The following DCTN3 variants were observed in gnomAD, a reference collection of about 807,000 sequenced individuals.
The protein encoded by DCTN3 is dynactin subunit 3.
Under a neutral mutation model 28.4 loss-of-function variants are expected in DCTN3, and 25 were observed. The observed-to-expected ratio is 0.88, with a 90% CI of 0.64 to 1.23. The LOEUF (loss-of-function observed/expected upper bound fraction) is 1.23. Ranked by LOEUF, DCTN3 falls within the 50% of genes most tolerant of loss-of-function variation. The pLI, the probability that DCTN3 is intolerant of heterozygous loss-of-function variation, is 0.00. For synonymous variants in DCTN3, 81 were observed against 91.4 expected, an observed-to-expected ratio of 0.89 and a Z score of 0.65; for missense variants, 229 against 232.0, an observed-to-expected ratio of 0.99 and a Z score of 0.08.
At position 34,616,276 on chromosome 9, in the gene DCTN3, T is replaced by C. The variant is rs1820423524; in HGVS notation, c.269-163A>G. 4 of 584,038 alleles carry C rather than the reference T, an allele frequency of 6.8e-6. No homozygotes were observed. Among genetic ancestry groups the C allele is most frequent in the Non-Finnish European group, 1.2e-5 (4 of 322,666 alleles). The allele number at this position is 584,038 out of a possible 1,614,324, so 36.2% of individuals were successfully genotyped here. On this transcript the variant is annotated intron_variant, in intron 3 of 6. Coordinates refer to ENST00000259632, the MANE Select transcript of DCTN3 (RefSeq NM_007234.5). The surrounding 1 kb of genome is among the most constrained non-coding windows in gnomAD (Gnocchi z 4.7). ...CTTCTCTAGGTGCACATTTCCATCC[T>C]GCCCCCAACTCTCCTGGATGCCTCA...
chr9:34,615,007 T>C, intron 4 of DCTN3: 1 of 540,982 alleles, frequency 1.8e-6, no homozygotes, highest in Admixed American at 3.4e-5. Context: ...AACCTTGGGG[T>C]TCCCAGTGTT....
In DCTN3 at chr9:34,613,792, G is replaced by C; in HGVS notation, c.551C>G (p.Ala184Gly). The part of the protein sequence containing the change: ...QLEAATQVKP[A>G]EE Reference sequence around the variant, plus strand: ...GATGGGGAGCAGCTATCACTCCTCTGCTGGCTTCACTTGCGTGGCGGCCTC... The same window carrying C: ...GATGGGGAGCAGCTATCACTCCTCTCCTGGCTTCACTTGCGTGGCGGCCTC... Residue 184 changes from alanine (A) to glycine (G), a missense_variant, in exon 7 of 7, where the codon GCA becomes GGA. Ala to Gly is a moderately conservative substitution (Grantham distance 60). Coordinates refer to ENST00000259632, the MANE Select transcript of DCTN3 (RefSeq NM_007234.5). 1.2e-6 allele frequency: 2 copies of C among 1,613,932 alleles called. No homozygotes were observed. The highest frequency in any genetic ancestry group is 1.7e-6 in the Non-Finnish European group (2 of 1,179,888).
chr9:34,617,062 C>T (rs1367231018), intron 3 of DCTN3, among the ~76,000 whole-genome samples: 1 of 152,140 alleles, frequency 6.6e-6, no homozygotes. Context: ...AGGCTGGACT[C>T]AAGAGTCAGT....
Sources: allele counts gnomAD v4.1 joint callset (sites outside exome capture counted in the v4.1 genomes callset), GRCh38; gene constraint gnomAD v4.1.1; non-coding constraint Gnocchi (gnomAD v3.1); transcripts MANE v1.5; gene names NCBI Gene and HGNC (gene_info 2026-07-23, HGNC 2026-07-21).